The following LRP1B variants were observed in gnomAD, a reference collection of about 807,000 sequenced individuals.
LRP1B encodes low-density lipoprotein receptor-related protein 1B.
In LRP1B, 217 loss-of-function variants were observed where a neutral mutation model predicts 556.6. The ratio of observed to expected loss-of-function variants is 0.39; its 90% confidence interval spans 0.35 to 0.44. The LOEUF (loss-of-function observed/expected upper bound fraction) is 0.44. Ranked by LOEUF, LRP1B falls within the 20% of genes least tolerant of loss-of-function variation. The pLI, the probability that LRP1B is intolerant of heterozygous loss-of-function variation, is 1.00. For missense variants in LRP1B, 5,053 were observed against 5,620.8 expected (o/e 0.90, Z 3.23); for synonymous variants, 2,047 against 1,865.8 (o/e 1.10, Z -2.50).
At chr2:141,550,625 C>T (rs115105552) in intron 2 of LRP1B, among the ~76,000 whole-genome samples, 1,749 of 152,172 alleles carry the variant, frequency 0.011, 41 homozygotes, top group African/African-American at 0.04. Context: ...CGTTCAACCT[C>T]TTCATCTCCC....
At chr2:141,407,186 C>T (rs1325344971) in intron 3 of LRP1B, among the ~76,000 whole-genome samples, 2 of 152,072 alleles carry the variant, frequency 1.3e-5, no homozygotes, top group South Asian at 2.1e-4. Context: ...ATATTCTATA[C>T]ATTTTGAGAT....
At chr2:141,698,775 G>C (rs1691831130) in intron 2 of LRP1B, among the ~76,000 whole-genome samples, 1 of 151,690 alleles carries the variant, frequency 6.6e-6, no homozygotes, top group African/African-American at 2.4e-5. Flanking sequence ...TTAGAGCAGT[G>C]ATTTTCAAAT....
chr2:141,796,219 G>T (rs917173657), intron 2 of LRP1B, among the ~76,000 whole-genome samples: 2 of 151,814 alleles, frequency 1.3e-5, no homozygotes, highest in African/African-American at 4.8e-5. Context: ...ATCAATGAAA[G>T]AAATACTTAA....
intron 31 of LRP1B, among the ~76,000 whole-genome samples, chr2:140,837,102 G>A (rs1424178220): frequency 6.6e-6 from 1 of 152,098 alleles, no homozygotes; most frequent in Non-Finnish European, 1.5e-5. Flanking sequence ...TGGACCTAAT[G>A]TACATACTAC....
intron 29 of LRP1B, among the ~76,000 whole-genome samples, chr2:140,844,537 G>T (rs1156437124): frequency 6.6e-6 from 1 of 151,406 alleles, no homozygotes; most frequent in Non-Finnish European, 1.5e-5. Context: ...GGGGGTGGGG[G>T]TGGAATAAAA....
chr2:140,696,348 CT>C (rs1355346492), intron 41 of LRP1B, among the ~76,000 whole-genome samples: 2 of 152,028 alleles, frequency 1.3e-5, no homozygotes, highest in Non-Finnish European at 2.9e-5. Context: ...AGGGCAACTT[CT>C]TGGCAGGAGG....
chr2:140,252,527 T>G (rs1186842379), intron 86 of LRP1B, among the ~76,000 whole-genome samples: 1 of 152,072 alleles, frequency 6.6e-6, no homozygotes, highest in African/African-American at 2.4e-5. Context: ...GGCACTATTA[T>G]TTAATCATTG....
At position 140,861,599 on chromosome 2, in the gene LRP1B, TA is replaced by T. The variant is rs543060601; in HGVS notation, c.4579+5990del. 2.0e-5 allele frequency among the ~76,000 whole-genome samples: 3 copies of T among 152,298 alleles called. No individual in the cohort carries two copies. In the South Asian group the frequency reaches 6.2e-4, roughly 32 times the overall value. ...TAGACTAAGCTGATTGCTATGAAGG[TA>T]TTTTTTTTGGAATTTACTGTTTGAC... is the stretch of plus-strand genomic sequence containing the variant. On this transcript the variant is annotated intron_variant, in intron 27 of 90. Transcript: ENST00000389484.
intron 2 of LRP1B, among the ~76,000 whole-genome samples, chr2:141,715,994 G>A (rs1692570109): frequency 6.6e-6 from 1 of 152,138 alleles, no homozygotes; most frequent in Non-Finnish European, 1.5e-5. Flanking sequence ...TCAAAGTCAA[G>A]GGACTGGAAT....
intron 25 of LRP1B, among the ~76,000 whole-genome samples, chr2:140,877,802 A>G (rs950781578): frequency 2.0e-5 from 3 of 152,128 alleles, no homozygotes; most frequent in Admixed American, 2.0e-4. Flanking sequence ...GTCTCACTAA[A>G]ATGTACAAAA....
At chr2:142,024,836 T>G (rs1259801989) in intron 1 of LRP1B, among the ~76,000 whole-genome samples, 1 of 152,060 alleles carries the variant, frequency 6.6e-6, no homozygotes, top group Non-Finnish European at 1.5e-5. Flanking sequence ...ATCTGGCTCC[T>G]GAATACACAT....
intron 1 of LRP1B, among the ~76,000 whole-genome samples, chr2:141,886,266 G>A (rs569128862): frequency 1.1e-4 from 16 of 152,100 alleles, no homozygotes; most frequent in East Asian, 7.7e-4. Flanking sequence ...AGTATTTTTC[G>A]CCTTGGGAAG....
intron 1 of LRP1B, among the ~76,000 whole-genome samples, chr2:142,101,883 C>G (rs1449248489): frequency 6.6e-6 from 1 of 151,964 alleles, no homozygotes; most frequent in Non-Finnish European, 1.5e-5. Context: ...CAAAAATGTT[C>G]TGAGAACATA....
intron 41 of LRP1B, among the ~76,000 whole-genome samples, chr2:140,625,152 C>G (rs991733619): frequency 2.6e-5 from 4 of 152,062 alleles, no homozygotes; most frequent in African/African-American, 9.7e-5. Flanking sequence ...TCTAACTACT[C>G]TGGAGAAGGG....
intron 1 of LRP1B, among the ~76,000 whole-genome samples, chr2:142,010,370 C>T (rs1168919013): frequency 2.0e-5 from 3 of 151,540 alleles, no homozygotes; most frequent in African/African-American, 2.4e-5. Context: ...CTGGCTAACA[C>T]GGTGAAACCC....
chr2:141,746,627 A>C (rs1203161940), intron 2 of LRP1B, among the ~76,000 whole-genome samples: 1 of 151,776 alleles, frequency 6.6e-6, no homozygotes, highest in East Asian at 1.9e-4. Flanking sequence ...TGCACACCTG[A>C]TTTTTGGTTT....
At position 140,601,602 on chromosome 2, in the gene LRP1B, G is replaced by A. The variant is rs764195980; in HGVS notation, c.6837C>T (p.Ala2279=). 1.2e-5 allele frequency: 19 copies of A among 1,607,320 alleles called. No homozygotes were observed. The East Asian group carries it at 1.3e-4, about 11-fold the overall frequency. The change falls in exon 42 of 91, where the codon GCC becomes GCT. Residue 2279 remains alanine, a synonymous_variant. Coordinates refer to ENST00000389484, the MANE Select transcript of LRP1B (RefSeq NM_018557.3). ...GSVEGLAYHR[A]WDTLYWTSST... is the part of the protein sequence containing the mutation. ...AGCTTGTCCAGTACAGTGTATCCCA[G>A]GCTCTGTGATAGGCAAGTCCTTCCA...
At chr2:140,464,219 A>G (rs547924344) in intron 60 of LRP1B, among the ~76,000 whole-genome samples, 1 of 151,502 alleles carries the variant, frequency 6.6e-6, no homozygotes, top group East Asian at 1.9e-4. Context: ...ATAATAATAA[A>G]TAAAATAAAA....
At chr2:141,453,927 A>G (rs13395567) in intron 3 of LRP1B, among the ~76,000 whole-genome samples, 64 of 96,328 alleles carry the variant, frequency 6.6e-4, no homozygotes, top group Admixed American at 5.4e-3. Context: ...AAAAAAAAAG[A>G]AAAAAAAAAG....
Sources: gnomAD v4.1 joint callset for allele counts (sites outside exome capture counted in the v4.1 genomes callset) on GRCh38, gnomAD v4.1.1 for gene constraint, MANE v1.5 for transcripts, NCBI Gene and HGNC (gene_info 2026-07-23, HGNC 2026-07-21) for gene names.